PELI2: variants seen among roughly 807,000 people sequenced by gnomAD.
PELI2 encodes E3 ubiquitin-protein ligase pellino homolog 2.
PELI2 carries 23 observed loss-of-function variants against 42.3 expected under a neutral mutation model. The observed-to-expected ratio is 0.54, with a 90% CI of 0.39 to 0.77. The LOEUF (loss-of-function observed/expected upper bound fraction) is 0.77. Among genes scored for constraint, PELI2 ranks in the 30% least tolerant of loss-of-function variants. The probability of loss-of-function intolerance (pLI) is 0.00; values close to 1 mark genes in which losing one functional copy is unlikely to be tolerated. For missense variants in PELI2, 463 were observed against 553.2 expected (o/e 0.84, Z 1.64); for synonymous variants, 245 against 212.2 (o/e 1.15, Z -1.34).
At chr14:56,295,916 A>G (rs1010692647) in intron 5 of PELI2, among the ~76,000 whole-genome samples, 1 of 152,244 alleles carries the variant, frequency 6.6e-6, no homozygotes, top group African/African-American at 2.4e-5. Context: ...TGGTACCTCC[A>G]AGGCTTAGCA....
In PELI2 at chr14:56,290,297, C is replaced by T. The variant is rs767570838; in HGVS notation, c.537C>T (p.Asp179=). 2.0e-5 allele frequency: 32 copies of T among 1,599,782 alleles called. No homozygotes were observed. Among genetic ancestry groups the T allele is most frequent in the Admixed American group, 1.2e-4 (7 of 58,966 alleles). The change falls in exon 5 of 6, where the codon GAC becomes GAT. Residue 179 remains aspartate, a synonymous_variant. Transcript: ENST00000267460. ...GEKAAKWKNP[D]GHMDGLTTNG... is the part of the protein sequence containing the mutation. ...AGGCAGCAAAGTGGAAAAACCCCGA[C>T]GGCCACATGGATGGGCTCACTACTA...
At chr14:56,270,281 A>C (rs768085419) in intron 2 of PELI2, among the ~76,000 whole-genome samples, 2 of 152,236 alleles carry the variant, frequency 1.3e-5, no homozygotes, top group African/African-American at 4.8e-5. Context: ...TATCGTGGCC[A>C]TGGTTCCGGC....
intron 2 of PELI2, among the ~76,000 whole-genome samples, chr14:56,196,479 A>G (rs1275216616): frequency 6.6e-6 from 1 of 152,202 alleles, no homozygotes; most frequent in African/African-American, 2.4e-5. Context: ...TCTGCTTCAG[A>G]CATACTCAGT....
chr14:56,159,847 T>C (rs1299326687), intron 1 of PELI2, among the ~76,000 whole-genome samples: 2 of 152,172 alleles, frequency 1.3e-5, no homozygotes, highest in Admixed American at 1.3e-4. Flanking sequence ...TGCTCTGCTG[T>C]TGACCCTCCA....
intron 2 of PELI2, among the ~76,000 whole-genome samples, chr14:56,207,966 G>T (rs1886579053): frequency 6.6e-6 from 1 of 152,212 alleles, no homozygotes; most frequent in East Asian, 1.9e-4. Context: ...GACTCAGAAG[G>T]CAAACATAAA....
chr14:56,145,094 T>A, intron 1 of PELI2: 1 of 323,380 alleles, frequency 3.1e-6, no homozygotes, highest in Non-Finnish European at 4.4e-6. Context: ...CTTAATTGGC[T>A]AACAGTTCTG....
intron 1 of PELI2, among the ~76,000 whole-genome samples, chr14:56,125,761 C>G (rs907826114): frequency 1.3e-5 from 2 of 152,130 alleles, no homozygotes; most frequent in South Asian, 4.1e-4. Flanking sequence ...CCCAGAGTGG[C>G]CATTGAATTC....
At chr14:56,285,594 G>T (rs1048299520) in intron 3 of PELI2, among the ~76,000 whole-genome samples, 3 of 152,128 alleles carry the variant, frequency 2.0e-5, no homozygotes, top group Non-Finnish European at 4.4e-5. Context: ...CATTATTTTA[G>T]TACCAGGTAG....
At chr14:56,262,793 T>A (rs1389975090) in intron 2 of PELI2, among the ~76,000 whole-genome samples, 2 of 121,142 alleles carry the variant, frequency 1.7e-5, no homozygotes, top group African/African-American at 7.0e-5. Context: ...CTGCATTGAT[T>A]CTTGTGTTAT....
At chr14:56,259,638 T>C (rs1888646703) in intron 2 of PELI2, among the ~76,000 whole-genome samples, 2 of 152,164 alleles carry the variant, frequency 1.3e-5, no homozygotes, top group African/African-American at 4.8e-5. Context: ...TGAAACTTCC[T>C]TACTTGATAA....
intron 2 of PELI2, among the ~76,000 whole-genome samples, chr14:56,232,071 C>T (rs36187322): frequency 4.0e-5 from 6 of 151,850 alleles, no homozygotes; most frequent in African/African-American, 1.2e-4. Context: ...AGAAGTTGAA[C>T]CCCTGGATAG....
intron 2 of PELI2, among the ~76,000 whole-genome samples, chr14:56,229,944 G>A (rs959985262): frequency 6.6e-6 from 1 of 152,216 alleles, no homozygotes; most frequent in Non-Finnish European, 1.5e-5. Context: ...CGAGAACTGC[G>A]TGATGCATGC....
chr14:56,177,064 TAAA>T (rs1566621305), intron 1 of PELI2, among the ~76,000 whole-genome samples: 1 of 152,230 alleles, frequency 6.6e-6, no homozygotes, highest in Non-Finnish European at 1.5e-5. Context: ...AGACTTGAAA[TAAA>T]TTATCTTTTT....
intron 1 of PELI2, among the ~76,000 whole-genome samples, chr14:56,137,869 C>T (rs1391414182): frequency 1.3e-5 from 2 of 152,186 alleles, no homozygotes; most frequent in African/African-American, 4.8e-5. Flanking sequence ...GTTGATGTCA[C>T]ATATTTCAGT....
intron 2 of PELI2, among the ~76,000 whole-genome samples, chr14:56,232,970 A>AAG (rs1491081854): frequency 2.0e-5 from 3 of 152,146 alleles, no homozygotes; most frequent in Admixed American, 1.3e-4. Flanking sequence ...TAAGACAAAC[A>AAG]GAGAGCCAAA....
intron 2 of PELI2, among the ~76,000 whole-genome samples, chr14:56,193,286 G>A (rs1453655166): frequency 6.6e-6 from 1 of 152,158 alleles, no homozygotes; most frequent in Non-Finnish European, 1.5e-5. Flanking sequence ...AGTATGGGCT[G>A]GAAGAAATGC....
At chr14:56,181,742 G>A (rs991502061) in intron 2 of PELI2, among the ~76,000 whole-genome samples, 1 of 152,164 alleles carries the variant, frequency 6.6e-6, no homozygotes, top group Admixed American at 6.5e-5. Flanking sequence ...AGGATGGCAA[G>A]TGCGTGCTAC....
intron 2 of PELI2, among the ~76,000 whole-genome samples, chr14:56,202,500 C>G (rs1221015405): frequency 8.1e-6 from 1 of 123,314 alleles, no homozygotes; most frequent in African/African-American, 2.7e-5. Context: ...CTTCGCTACA[C>G]TTGAGCCTGC....
intron 2 of PELI2, among the ~76,000 whole-genome samples, chr14:56,194,004 T>C (rs992717882): frequency 2.0e-5 from 3 of 152,174 alleles, no homozygotes; most frequent in Admixed American, 6.5e-5. Flanking sequence ...TTTTTCATTG[T>C]TGGGGGGTCT....
Sources: allele counts gnomAD v4.1 joint callset (sites outside exome capture counted in the v4.1 genomes callset), GRCh38; gene constraint gnomAD v4.1.1; transcripts MANE v1.5; gene names NCBI Gene and HGNC (gene_info 2026-07-23, HGNC 2026-07-21).